Variants in SOX5 observed in about 807,000 individuals in gnomAD.
SOX5 encodes transcription factor SOX-5.
In SOX5, 9 loss-of-function variants were observed where a neutral mutation model predicts 92.0. That is an observed-to-expected ratio of 0.10 (90% confidence interval 0.06 to 0.17). SOX5 has a LOEUF of 0.17. Among genes scored for constraint, SOX5 ranks in the 10% least tolerant of loss-of-function variants. The probability of loss-of-function intolerance (pLI) is 1.00; values close to 1 mark genes in which losing one functional copy is unlikely to be tolerated. For synonymous variants in SOX5, 344 were observed against 336.3 expected, an observed-to-expected ratio of 1.02 and a Z score of -0.25; for missense variants, 642 against 944.5, an observed-to-expected ratio of 0.68 and a Z score of 4.20.
chr12:23,824,680 C>T (rs1029000514), intron 3 of SOX5, among the ~76,000 whole-genome samples: 8 of 152,184 alleles, frequency 5.3e-5, no homozygotes, highest in African/African-American at 1.9e-4. Context: ...GCTGAAGATG[C>T]GTCCACAGCC....
chr12:23,575,008 T>A (rs532051560), intron 10 of SOX5, among the ~76,000 whole-genome samples: 1 of 152,318 alleles, frequency 6.6e-6, no homozygotes, highest in Non-Finnish European at 1.5e-5. Flanking sequence ...AAAAATTGAA[T>A]AAAAATAATA....
At chr12:23,826,742 G>A (rs1324646360) in intron 3 of SOX5, among the ~76,000 whole-genome samples, 1 of 152,098 alleles carries the variant, frequency 6.6e-6, no homozygotes, top group African/African-American at 2.4e-5. Flanking sequence ...CCAAATGGGA[G>A]AGGGTGCATT....
At chr12:24,172,362 C>A (rs1445263923) in intron 4 of SOX5, among the ~76,000 whole-genome samples, 3 of 151,842 alleles carry the variant, frequency 2.0e-5, no homozygotes, top group African/African-American at 7.3e-5. Context: ...CATGGTGAAA[C>A]CCTGTCTCTC....
chr12:24,327,077 A>AG (rs1295010409), intron 2 of SOX5, among the ~76,000 whole-genome samples: 1 of 152,246 alleles, frequency 6.6e-6, no homozygotes, highest in Non-Finnish European at 1.5e-5. Flanking sequence ...TGGGAAAAAA[A>AG]GAATGAGTAC....
At chr12:24,396,655 T>C (rs1475793895) in intron 1 of SOX5, among the ~76,000 whole-genome samples, 1 of 152,224 alleles carries the variant, frequency 6.6e-6, no homozygotes, top group Non-Finnish European at 1.5e-5. Context: ...CCAGTGAATC[T>C]TGTAGCACAA....
chr12:23,777,582 T>G (rs539300585), intron 3 of SOX5, among the ~76,000 whole-genome samples: 1 of 152,196 alleles, frequency 6.6e-6, no homozygotes, highest in East Asian at 1.9e-4. Context: ...ACACAATACA[T>G]ACCTTTCTTT....
intron 7 of SOX5, among the ~76,000 whole-genome samples, chr12:23,658,331 C>T (rs190317707): frequency 1.3e-5 from 2 of 152,168 alleles, no homozygotes; most frequent in Admixed American, 1.3e-4. Context: ...TGACTGTCAC[C>T]ACATAATTAT....
chr12:24,420,208 T>C (rs145349309), intron 1 of SOX5, among the ~76,000 whole-genome samples: 332 of 152,340 alleles, frequency 2.2e-3, no homozygotes, highest in Non-Finnish European at 3.7e-3. Flanking sequence ...AATAGCTCTG[T>C]CTATTTAGGC....
intron 4 of SOX5, among the ~76,000 whole-genome samples, chr12:24,040,124 G>A (rs1956380215): frequency 6.6e-6 from 1 of 152,016 alleles, no homozygotes; most frequent in Non-Finnish European, 1.5e-5. Flanking sequence ...TATTTTCCCA[G>A]GAAGATAATG....
At chr12:23,783,048 T>C (rs2095313218) in intron 3 of SOX5, among the ~76,000 whole-genome samples, 1 of 152,174 alleles carries the variant, frequency 6.6e-6, no homozygotes, top group Non-Finnish European at 1.5e-5. Context: ...TTTCTGACCA[T>C]TGTAGGTATC....
intron 4 of SOX5, among the ~76,000 whole-genome samples, chr12:24,101,074 A>G (rs1413623181): frequency 6.6e-6 from 1 of 152,138 alleles, no homozygotes; most frequent in Non-Finnish European, 1.5e-5. Context: ...GTGAACAATC[A>G]TCTTTAAGAA....
chr12:23,707,786 A>G (rs902608256), intron 6 of SOX5, among the ~76,000 whole-genome samples: 4 of 152,154 alleles, frequency 2.6e-5, no homozygotes, highest in African/African-American at 9.6e-5. Flanking sequence ...ATAAAGAACT[A>G]AGAAGTTAAT....
chr12:24,010,118 C>A (rs1374669354), intron 4 of SOX5, among the ~76,000 whole-genome samples: 1 of 152,152 alleles, frequency 6.6e-6, no homozygotes, highest in Admixed American at 6.5e-5. Context: ...AACAATTTCT[C>A]AAAACAAGAA....
At chr12:23,731,730 A>G (rs1008538517) in intron 6 of SOX5, among the ~76,000 whole-genome samples, 1 of 152,182 alleles carries the variant, frequency 6.6e-6, no homozygotes, top group Non-Finnish European at 1.5e-5. Context: ...GATGTATTGG[A>G]TTCCTTTGCT....
chr12:24,342,315 A>G (rs114537153), intron 2 of SOX5, among the ~76,000 whole-genome samples: 327 of 149,986 alleles, frequency 2.2e-3, no homozygotes, highest in African/African-American at 7.5e-3. Flanking sequence ...TTCATCACCA[A>G]TTTCTCACCA....
chr12:24,174,159 G>A (rs958250334), intron 4 of SOX5, among the ~76,000 whole-genome samples: 1 of 151,922 alleles, frequency 6.6e-6, no homozygotes, highest in Non-Finnish European at 1.5e-5. Flanking sequence ...CACCATACCT[G>A]GTTAATTTTT....
intron 2 of SOX5, among the ~76,000 whole-genome samples, chr12:24,297,037 T>G (rs1947348609): frequency 6.6e-6 from 1 of 152,084 alleles, no homozygotes; most frequent in Non-Finnish European, 1.5e-5. Flanking sequence ...GAATTAATAA[T>G]TTTTTGTATT....
chr12:24,507,352 C>T (rs1474588635), intron 1 of SOX5, among the ~76,000 whole-genome samples: 2 of 151,366 alleles, frequency 1.3e-5, no homozygotes, highest in Admixed American at 6.6e-5. Context: ...AATCAAACCT[C>T]GAAAGCTAAT....
chr12:23,734,525 A>T (rs2093514624), intron 6 of SOX5, among the ~76,000 whole-genome samples, 159 bp downstream of exon 6: 1 of 152,200 alleles, frequency 6.6e-6, no homozygotes. Context: ...GACTGACCAG[A>T]CACCATTTGC....
Sources: gnomAD v4.1 joint callset for allele counts (sites outside exome capture counted in the v4.1 genomes callset) on GRCh38, gnomAD v4.1.1 for gene constraint, MANE v1.5 for transcripts, NCBI Gene and HGNC (gene_info 2026-07-23, HGNC 2026-07-21) for gene names.